The following ADGRL2 variants were observed in gnomAD, a reference collection of about 807,000 sequenced individuals.
ADGRL2 encodes adhesion G protein-coupled receptor L2.
ADGRL2 carries 44 observed loss-of-function variants against 157.4 expected under a neutral mutation model. That is an observed-to-expected ratio of 0.28 (90% CI 0.22 to 0.36). ADGRL2 has a LOEUF of 0.36. Ranked by LOEUF, ADGRL2 falls within the 10% of genes least tolerant of loss-of-function variation. ADGRL2 has a pLI of 1.00. For missense variants in ADGRL2, 1,510 were observed against 1,768.9 expected (o/e 0.85, Z 2.63); for synonymous variants, 585 against 624.7 (o/e 0.94, Z 0.95).
At chr1:81,733,364 G>A (rs2084788966) in intron 1 of ADGRL2, among the ~76,000 whole-genome samples, 1 of 152,242 alleles carries the variant, frequency 6.6e-6, no homozygotes, top group Non-Finnish European at 1.5e-5. Flanking sequence ...CTGGAGGCTA[G>A]AAGTCTGAGA....
intron 3 of ADGRL2, among the ~76,000 whole-genome samples, chr1:81,649,722 T>A (rs937642804): frequency 3.3e-5 from 5 of 152,174 alleles, no homozygotes; most frequent in African/African-American, 1.2e-4. Flanking sequence ...ATGGTTCCCA[T>A]TTTAGAGAAA....
At chr1:81,777,741 T>G (rs1005789158) in intron 2 of ADGRL2, among the ~76,000 whole-genome samples, 4 of 151,940 alleles carry the variant, frequency 2.6e-5, no homozygotes, top group Non-Finnish European at 5.9e-5. Flanking sequence ...CCAGCCTGGG[T>G]GACAAGTGAG....
At chr1:81,490,220 C>A (rs915561627) in intron 2 of ADGRL2, among the ~76,000 whole-genome samples, 1 of 151,788 alleles carries the variant, frequency 6.6e-6, no homozygotes, top group African/African-American at 2.4e-5. Context: ...CAACCTCCAC[C>A]TCCTTGGTTC....
intron 1 of ADGRL2, among the ~76,000 whole-genome samples, chr1:81,746,458 T>C (rs1571045728): frequency 6.6e-6 from 1 of 151,942 alleles, no homozygotes; most frequent in East Asian, 1.9e-4. Context: ...CCTGACTAAT[T>C]TTTCTATTTT....
intron 2 of ADGRL2, among the ~76,000 whole-genome samples, chr1:81,472,253 T>G (rs369486452): frequency 6.6e-6 from 1 of 152,246 alleles, no homozygotes; most frequent in East Asian, 1.9e-4. Flanking sequence ...GTTCTCTAGA[T>G]ATTTATCATT....
intron 2 of ADGRL2, among the ~76,000 whole-genome samples, chr1:81,855,680 A>G (rs2093178096): frequency 1.3e-5 from 2 of 152,122 alleles, no homozygotes; most frequent in Non-Finnish European, 2.9e-5. Context: ...TTTGAATGTT[A>G]CATCCCCATA....
At position 81,991,148 on chromosome 1, in the gene ADGRL2, A is replaced by T. The variant is rs537160014; in HGVS notation, c.*3A>T. 21 of 1,595,856 alleles carry T rather than the reference A, an allele frequency of 1.3e-5. No homozygotes were observed. The highest frequency in any genetic ancestry group is 1.6e-5 in the Non-Finnish European group (19 of 1,168,488). ...TGCAGCTGGTTACAAGTCTTTAATC[A>T]TACAGCTAAGGAATTCCAAGGGCCA... On this transcript the variant is annotated 3_prime_UTR_variant, in exon 24 of 24. Coordinates refer to ENST00000686636, the MANE Select transcript of ADGRL2 (RefSeq NM_001366006.2).
At chr1:81,325,531 T>G (rs542203285) in intron 1 of ADGRL2, among the ~76,000 whole-genome samples, 1 of 152,278 alleles carries the variant, frequency 6.6e-6, no homozygotes, top group African/African-American at 2.4e-5. Context: ...GAAGGGCAAT[T>G]GATTGCATCA....
intron 2 of ADGRL2, among the ~76,000 whole-genome samples, chr1:81,532,977 A>ATCTATCTATCATCTC (rs1557435033): frequency 2.0e-4 from 28 of 138,418 alleles, no homozygotes; most frequent in African/African-American, 6.9e-4. Flanking sequence ...TCTATCATCT[A>ATCTATCTATCATCTC]TCTATCTATC....
intron 2 of ADGRL2, among the ~76,000 whole-genome samples, chr1:81,868,676 A>G (rs1479082448): frequency 2.0e-5 from 3 of 152,082 alleles, no homozygotes; most frequent in South Asian, 2.1e-4. Context: ...TACCTGCCCA[A>G]TTAAAACACC....
At chr1:81,978,750 G>A (rs766236369) in intron 17 of ADGRL2, among the ~76,000 whole-genome samples, 2 of 151,858 alleles carry the variant, frequency 1.3e-5, no homozygotes, top group Non-Finnish European at 3.0e-5. Flanking sequence ...ATTTGATCAT[G>A]TGATATTGTG....
intron 1 of ADGRL2, among the ~76,000 whole-genome samples, chr1:81,752,262 A>G (rs2085513899): frequency 6.6e-6 from 1 of 152,178 alleles, no homozygotes; most frequent in African/African-American, 2.4e-5. Flanking sequence ...TGTGCAGGCA[A>G]TTGATCTTGG....
chr1:81,692,087 T>C (rs2083351985), intron 3 of ADGRL2, among the ~76,000 whole-genome samples: 2 of 151,574 alleles, frequency 1.3e-5, no homozygotes, highest in Admixed American at 6.6e-5. Flanking sequence ...CAGAAAGCAA[T>C]TTTTCCTCAG....
rs1329367732 is a variant in ADGRL2 at position 81,612,731 on chromosome 1, C to A, written c.-143+31751C>A. 3.9e-5 allele frequency among the ~76,000 whole-genome samples: 6 copies of A among 151,958 alleles called. No individual in the cohort carries two copies. In the South Asian group the frequency reaches 1.2e-3, roughly 32 times the overall value. ...AAACAATGACGACAAACAAACAAAC[C>A]CCTGATAGCTCAATTAAGAAATAGG... On this transcript the variant is annotated intron_variant, in intron 3 of 24. Coordinates refer to the ADGRL2 transcript ENST00000370721.
At chr1:81,639,540 C>CAA (rs56281820) in intron 3 of ADGRL2, among the ~76,000 whole-genome samples, 925 of 82,968 alleles carry the variant, frequency 0.011, 66 homozygotes, top group African/African-American at 0.024. Flanking sequence ...TCCATCTCTA[C>CAA]AAAAAAAAAA....
chr1:81,989,600 G>A, intron 23 of ADGRL2: 1 of 1,490,348 alleles, frequency 6.7e-7, no homozygotes, highest in Non-Finnish European at 9.3e-7. Flanking sequence ...TTGCTGAGAA[G>A]CTTAGAAATT....
At chr1:81,482,352 A>G (rs887443532) in intron 2 of ADGRL2, among the ~76,000 whole-genome samples, 1 of 152,142 alleles carries the variant, frequency 6.6e-6, no homozygotes, top group African/African-American at 2.4e-5. Context: ...TAAAAATGTA[A>G]TTTTTCTTTT....
intron 2 of ADGRL2, among the ~76,000 whole-genome samples, chr1:81,550,169 C>A (rs894503170): frequency 9.2e-5 from 14 of 152,042 alleles, no homozygotes; most frequent in Admixed American, 5.2e-4. Flanking sequence ...CCAGTCAATG[C>A]CTTATATTGC....
intron 3 of ADGRL2, among the ~76,000 whole-genome samples, chr1:81,688,385 G>C (rs941157089): frequency 6.6e-6 from 1 of 151,658 alleles, no homozygotes; most frequent in African/African-American, 2.4e-5. Context: ...TTTTTTCTTT[G>C]TCTTTGTTGG....
Sources: gnomAD v4.1 joint callset for allele counts (sites outside exome capture counted in the v4.1 genomes callset) on GRCh38, gnomAD v4.1.1 for gene constraint, MANE v1.5 for transcripts, NCBI Gene and HGNC (gene_info 2026-07-23, HGNC 2026-07-21) for gene names.